Variants in KAT6A observed in about 807,000 individuals in gnomAD.
KAT6A encodes histone acetyltransferase KAT6A.
In KAT6A, 9 loss-of-function variants were observed where a neutral mutation model predicts 198.4. The ratio of observed to expected loss-of-function variants is 0.05; its 90% confidence interval spans 0.03 to 0.08. The LOEUF is 0.08. KAT6A is among the 10% of genes least tolerant of loss of function. KAT6A has a pLI of 1.00. For missense variants in KAT6A, 2,077 were observed against 2,509.9 expected (o/e 0.83, Z 3.69); for synonymous variants, 890 against 883.0 (o/e 1.01, Z -0.14).
intron 8 of KAT6A, among the ~76,000 whole-genome samples, chr8:41,959,401 C>G (rs1246874111): frequency 1.3e-5 from 2 of 152,150 alleles, no homozygotes; most frequent in African/African-American, 4.8e-5. Context: ...TGTCCCATTG[C>G]TGGCGGGAAT....
At chr8:42,025,440 TA>T (rs138920610) in intron 2 of KAT6A, among the ~76,000 whole-genome samples, 104,361 of 151,402 alleles carry the variant, frequency 0.69, 36,604 homozygotes, top group African/African-American at 0.84. Context: ...CTCGAACTCC[TA>T]CACCTCAGGT....
chr8:41,932,591 G>C lies in KAT6A; in HGVS notation c.5629C>G (p.Arg1877Gly), dbSNP rs772414652. The change falls in exon 17 of 17, where the codon CGT becomes GGT. Residue 1877 changes from arginine to glycine, a missense_variant. Transcript: ENST00000265713. ...TGCATGGCAACTGCCGATGGGCTAC[G>C]GCCATACAGCTGCTGCTGGTGAGCA... ...AAAHQQQLYG[R>G]SPSAVAMQAG... 1 of 1,614,174 alleles carries C rather than the reference G, an allele frequency of 6.2e-7. No individual in the cohort carries two copies. The highest frequency in any genetic ancestry group is 8.5e-7 in the Non-Finnish European group (1 of 1,179,992).
chr8:41,946,031 CAAAA>C (rs879614787), intron 12 of KAT6A, among the ~76,000 whole-genome samples: 1 of 88,236 alleles, frequency 1.1e-5, no homozygotes. Flanking sequence ...CTCTGTCTCT[CAAAA>C]AAAAAAAAAA....
At chr8:42,001,081 T>G (rs963557834) in intron 2 of KAT6A, among the ~76,000 whole-genome samples, 1 of 152,180 alleles carries the variant, frequency 6.6e-6, no homozygotes, top group African/African-American at 2.4e-5. Flanking sequence ...TATTGGTAAA[T>G]AGTGATACTA....
intron 2 of KAT6A, among the ~76,000 whole-genome samples, chr8:42,042,008 A>T (rs565170213): frequency 6.6e-6 from 1 of 152,348 alleles, no homozygotes; most frequent in East Asian, 1.9e-4. Flanking sequence ...AACGCAACAG[A>T]GTAATTGAAA....
chr8:41,987,635 A>G, intron 2 of KAT6A, 72 bp from the exon 3 acceptor site: 1 of 887,742 alleles, frequency 1.1e-6, no homozygotes, highest in Non-Finnish European at 1.8e-6. Context: ...CATCAAAATT[A>G]TAGTTTTAAA....
chr8:41,933,286 C>T lies in KAT6A; in HGVS notation c.4934G>A (p.Ser1645Asn). The T allele has an allele frequency of 6.3e-7, 1 of 1,580,040 alleles. No individual in the cohort carries two copies. Among genetic ancestry groups the T allele is most frequent in the Non-Finnish European group, 8.6e-7 (1 of 1,168,698 alleles). Reference protein sequence around the residue: ...PQSCVVERPPSNQQQQPPPPP... With the variant: ...PQSCVVERPPNNQQQQPPPPP... ...TGGTGGCGGCTGCTGCTGCTGGTTA[C>T]TGGGAGGCCTCTCCACCACGCAGCT... The change falls in exon 17 of 17, where the codon AGT becomes AAT. Residue 1645 changes from serine (S) to asparagine (N), a missense_variant. By Grantham distance (46) the Ser-to-Asn change is conservative (BLOSUM62 1). Transcript: ENST00000265713. The surrounding 1 kb of genome is among the most constrained non-coding windows in gnomAD (Gnocchi z 6.2).
intron 15 of KAT6A, among the ~76,000 whole-genome samples, chr8:41,939,986 A>G (rs1271676402): frequency 6.6e-6 from 1 of 152,222 alleles, no homozygotes; most frequent in South Asian, 2.1e-4. Flanking sequence ...TAATTCTGTA[A>G]ATGTAAAACT....
intron 2 of KAT6A, among the ~76,000 whole-genome samples, chr8:42,010,080 G>C (rs1825953224): frequency 6.6e-6 from 1 of 152,018 alleles, no homozygotes; most frequent in African/African-American, 2.4e-5. Flanking sequence ...AGAGGCAGAT[G>C]GATCACTTGA....
chr8:41,996,629 A>G (rs2150899582), intron 2 of KAT6A, among the ~76,000 whole-genome samples: 1 of 152,182 alleles, frequency 6.6e-6, no homozygotes, highest in African/African-American at 2.4e-5. Context: ...TGGGCTAGTT[A>G]TCGTTGGAAT....
chr8:41,931,775 T>A lies in KAT6A; in HGVS notation c.*430A>T. 4.8e-6 allele frequency: 1 copy of A among 207,766 alleles called. No homozygotes were observed. Among genetic ancestry groups the A allele is most frequent in the East Asian group, 7.4e-5 (1 of 13,586 alleles). 12.9% of individuals were successfully genotyped at this position (207,766 alleles called of 1,614,324 possible). A position where few individuals can be genotyped will look rare whatever the true frequency, so the allele number is the denominator to read the frequency against. On this transcript the variant is annotated 3_prime_UTR_variant, in exon 17 of 17. Coordinates refer to ENST00000265713, the MANE Select transcript of KAT6A (RefSeq NM_006766.5). ...TTGGGTTTGGAGGAAAGGGTCTGGT[T>A]AACCCTTGAGATGTATATAACATTT... is the stretch of plus-strand genomic sequence containing the variant.
rs1587709912 is a variant in KAT6A, at chr8:41,934,444, T to C, written c.3776A>G (p.Asn1259Ser). The C allele has an allele frequency of 3.1e-6, 5 of 1,608,310 alleles. No individual in the cohort carries two copies. Among genetic ancestry groups the C allele is most frequent in the Non-Finnish European group, 3.4e-6 (4 of 1,177,046 alleles). ...CTCCTTGGTTTCGGTCTCAGGACTA[T>C]TGCTGCTGTCTGCTGGAGAGGCTGC... ...VPAASPADSS[N>S]SPETETKEPE... is the part of the protein sequence containing the mutation. Residue 1259 changes from asparagine to serine, a missense_variant, in exon 17 of 17, where the codon AAT becomes AGT. Asn to Ser is a conservative substitution (Grantham distance 46). This residue lies in a region of KAT6A where 375 missense variants were observed against 383.0 expected (regional missense o/e 0.98). Transcript: ENST00000265713.
At chr8:41,945,792 G>A (rs1270613346) in intron 12 of KAT6A, among the ~76,000 whole-genome samples, 1 of 151,230 alleles carries the variant, frequency 6.6e-6, no homozygotes, top group Admixed American at 6.6e-5. Context: ...ACTTTGGGAG[G>A]CCAAGGCGGG....
intron 2 of KAT6A, among the ~76,000 whole-genome samples, chr8:41,991,020 G>C (rs1017226930): frequency 6.9e-6 from 1 of 144,342 alleles, no homozygotes; most frequent in Non-Finnish European, 1.5e-5. Flanking sequence ...AAAAAAAAAA[G>C]GTGGAACAAC....
rs143819823 is a variant in KAT6A at position 41,937,366 on chromosome 8, G to C, written c.3242C>G (p.Pro1081Arg). 89 of 1,614,050 alleles carry C rather than the reference G, an allele frequency of 5.5e-5. No homozygotes were observed. The African/African-American group carries it at 1.1e-3, about 21-fold the overall frequency. ...AGACAAACGACGGAAGTATTCTCTA[G>C]GGAAAAGTTCATTTTCATCCTCTTC... ...EEEEDENELF[P>R]REYFRRLSSQ... The change falls in exon 16 of 17, where the codon CCT becomes CGT. Residue 1081 changes from proline (P) to arginine (R), a missense_variant. Coordinates refer to ENST00000265713, the MANE Select transcript of KAT6A (RefSeq NM_006766.5).
chr8:42,048,518 C>T lies in KAT6A; in HGVS notation c.460G>A (p.Ala154Thr). Reference sequence around the variant, plus strand: ...TTAAGGAGTCTGCCGTGGCCAATGGCACGTTTGATAGCCAATCGTAACTGC... The same window carrying T: ...TTAAGGAGTCTGCCGTGGCCAATGGTACGTTTGATAGCCAATCGTAACTGC... Reference protein sequence around the residue: ...HQQLRLAIKRAIGHGRLLKDG... With the variant: ...HQQLRLAIKRTIGHGRLLKDG... The change falls in exon 2 of 17, where the codon GCC becomes ACC. Residue 154 changes from alanine (A) to threonine (T), a missense_variant. By Grantham distance (58) the Ala-to-Thr change is moderately conservative. Transcript: ENST00000265713. The T allele has an allele frequency of 1.2e-6, 2 of 1,614,178 alleles. No homozygotes were observed. The highest frequency in any genetic ancestry group is 2.7e-5 in the African/African-American group (2 of 75,050).
Position 41,987,468 on chromosome 8 carries a change from G to C in KAT6A, c.696C>G (p.Asp232Glu), listed in dbSNP as rs1824676793. 1 of 1,602,236 alleles carries C rather than the reference G, an allele frequency of 6.2e-7. No individual in the cohort carries two copies. The highest frequency in any genetic ancestry group is 8.5e-7 in the Non-Finnish European group (1 of 1,169,792). ...KKPEELISCA[D>E]CGNSGHPSCL... ...GAAATCACATACCACTGTTGCCACA[G>C]TCGGCACAGGAGATGAGTTCCTCTG... Residue 232 changes from aspartate (D) to glutamate (E), a missense_variant, in exon 3 of 17, where the codon GAC becomes GAG. Coordinates refer to ENST00000265713, the MANE Select transcript of KAT6A (RefSeq NM_006766.5).
At chr8:41,979,804 G>C (rs539761567) in intron 5 of KAT6A, among the ~76,000 whole-genome samples, 1 of 152,042 alleles carries the variant, frequency 6.6e-6, no homozygotes, top group Non-Finnish European at 1.5e-5. Flanking sequence ...AGTTCAAGAC[G>C]AGCCTGGCCA....
chr8:41,936,024 G>C (rs1396494124), intron 16 of KAT6A, among the ~76,000 whole-genome samples: 3 of 152,120 alleles, frequency 2.0e-5, no homozygotes, highest in Non-Finnish European at 4.4e-5. Context: ...CACTTTGGGA[G>C]TCCAAGGCGG....
Sources: gnomAD v4.1 joint callset for allele counts (sites outside exome capture counted in the v4.1 genomes callset) on GRCh38, gnomAD v4.1.1 for gene constraint, gnomAD v4.1.1 regional missense constraint, Gnocchi (gnomAD v3.1) non-coding constraint, MANE v1.5 for transcripts, NCBI Gene and HGNC (gene_info 2026-07-23, HGNC 2026-07-21) for gene names.